The following CA10 variants were observed in gnomAD, a reference collection of about 807,000 sequenced individuals.
CA10 encodes the protein carbonic anhydrase 10 (inactive), also known as carbonic anhydrase-related protein 10.
CA10 carries 14 observed loss-of-function variants against 44.2 expected under a neutral mutation model. That is an observed-to-expected ratio of 0.32 (90% CI 0.21 to 0.50). The LOEUF is 0.50. Ranked by LOEUF, CA10 falls within the 20% of genes least tolerant of loss-of-function variation. The pLI is 0.99. For missense variants in CA10, 350 were observed against 409.7 expected, an observed-to-expected ratio of 0.85 and a Z score of 1.26; for synonymous variants, 159 against 141.6, an observed-to-expected ratio of 1.12 and a Z score of -0.87.
intron 4 of CA10, among the ~76,000 whole-genome samples, chr17:51,743,340 T>C (rs1904538370): frequency 6.6e-6 from 1 of 152,214 alleles, no homozygotes; most frequent in Non-Finnish European, 1.5e-5. Context: ...AATATCCTAC[T>C]TTATACTGGA....
intron 1 of CA10, among the ~76,000 whole-genome samples, chr17:52,109,022 T>C (rs1219566725): frequency 6.6e-6 from 1 of 152,116 alleles, no homozygotes; most frequent in Non-Finnish European, 1.5e-5. Flanking sequence ...CCTCAATAAA[T>C]GGAGACATCC....
chr17:51,676,471 C>A lies in CA10; in HGVS notation c.466-22735G>T, dbSNP rs182519859. 1.5e-3 allele frequency among the ~76,000 whole-genome samples: 221 copies of A among 152,298 alleles called. 1 individual carries two copies. Among genetic ancestry groups the A allele is most frequent in the Admixed American group, 6.1e-3 (93 of 15,310 alleles). ...CATATTAGACATGCAGAATCTGGGG[C>A]CCCACCCAGACCTACTGCACCAGCA... On this transcript the variant is annotated intron_variant, in intron 4 of 8. Transcript: ENST00000451037.
chr17:52,081,518 C>T (rs1052723892), intron 1 of CA10, among the ~76,000 whole-genome samples: 3 of 152,054 alleles, frequency 2.0e-5, no homozygotes, highest in African/African-American at 4.8e-5. Context: ...TTAGATGAAG[C>T]GGCCGGGCGC....
intron 2 of CA10, among the ~76,000 whole-genome samples, chr17:52,046,949 T>G (rs1310527172): frequency 6.6e-6 from 1 of 151,962 alleles, no homozygotes; most frequent in Non-Finnish European, 1.5e-5. Flanking sequence ...GCCATTTCCA[T>G]AGATGCAGCA....
At chr17:51,926,147 C>G (rs956545880) in intron 3 of CA10, among the ~76,000 whole-genome samples, 2 of 152,046 alleles carry the variant, frequency 1.3e-5, no homozygotes, top group African/African-American at 2.4e-5. Flanking sequence ...GAAGAACTAT[C>G]GGTAGTTAAG....
intron 4 of CA10, among the ~76,000 whole-genome samples, chr17:51,717,788 T>TATAC (rs560956067): frequency 5.8e-4 from 41 of 70,914 alleles, no homozygotes; most frequent in African/African-American, 2.2e-3. Context: ...TGCATGTATA[T>TATAC]ATGTATATGT....
At chr17:51,838,747 A>T (rs1473078196) in intron 3 of CA10, among the ~76,000 whole-genome samples, 2 of 152,256 alleles carry the variant, frequency 1.3e-5, no homozygotes. Flanking sequence ...AACACAAAGA[A>T]GATCGTTGGA....
intron 4 of CA10, among the ~76,000 whole-genome samples, chr17:51,726,676 A>AT (rs1208520569): frequency 6.6e-6 from 1 of 152,130 alleles, no homozygotes; most frequent in African/African-American, 2.4e-5. Context: ...ATGGATATCT[A>AT]TTTTTTCCCC....
chr17:52,088,192 A>G (rs1170512212), intron 1 of CA10, among the ~76,000 whole-genome samples: 1 of 152,210 alleles, frequency 6.6e-6, no homozygotes, highest in Non-Finnish European at 1.5e-5. Flanking sequence ...AAGTTTACCT[A>G]TGTAACAAAC....
At chr17:51,669,522 C>T (rs1039356919) in intron 4 of CA10, among the ~76,000 whole-genome samples, 2 of 152,108 alleles carry the variant, frequency 1.3e-5, no homozygotes, top group Non-Finnish European at 2.9e-5. Flanking sequence ...TTTCGCTCTT[C>T]GTACTAAATC....
At chr17:51,726,445 C>A (rs999058783) in intron 4 of CA10, among the ~76,000 whole-genome samples, 6 of 151,996 alleles carry the variant, frequency 3.9e-5, no homozygotes, top group Non-Finnish European at 8.8e-5. Context: ...TTTAAGTATT[C>A]TCACCACAAG....
chr17:52,032,313 A>G (rs765508865), intron 2 of CA10, among the ~76,000 whole-genome samples: 8 of 152,144 alleles, frequency 5.3e-5, no homozygotes, highest in Admixed American at 1.3e-4. Context: ...TTCATTCTGC[A>G]AGGAATCTTC....
At chr17:51,768,798 T>A (rs1178070018) in intron 3 of CA10, among the ~76,000 whole-genome samples, 2 of 152,236 alleles carry the variant, frequency 1.3e-5, no homozygotes, top group African/African-American at 2.4e-5. Flanking sequence ...ATAGTGGGTA[T>A]GTGATCTCTG....
chr17:51,917,324 C>T (rs1982043085), intron 3 of CA10, among the ~76,000 whole-genome samples: 1 of 152,208 alleles, frequency 6.6e-6, no homozygotes, highest in East Asian at 1.9e-4. Flanking sequence ...CCTGGGAATA[C>T]CAGGGAAGAG....
chr17:51,770,498 CCT>C (rs1250438355), intron 3 of CA10, among the ~76,000 whole-genome samples: 1 of 151,976 alleles, frequency 6.6e-6, no homozygotes, highest in Non-Finnish European at 1.5e-5. Flanking sequence ...TCAACTGTTT[CCT>C]CTGTTTCCTA....
intron 4 of CA10, among the ~76,000 whole-genome samples, chr17:51,675,923 G>A (rs568070959): frequency 2.6e-4 from 36 of 136,934 alleles, no homozygotes; most frequent in African/African-American, 7.1e-4. Flanking sequence ...CACTCCCATC[G>A]GAACACTCTG....
At chr17:51,747,560 C>A in intron 4 of CA10, 73 bp downstream of exon 4, 1 of 1,216,484 alleles carries the variant, frequency 8.2e-7, no homozygotes, top group Non-Finnish European at 1.2e-6. Context: ...TATGTTATCC[C>A]ATCTTGGACA....
chr17:52,040,005 G>T (rs1294650186), intron 2 of CA10, among the ~76,000 whole-genome samples: 1 of 152,052 alleles, frequency 6.6e-6, no homozygotes, highest in Non-Finnish European at 1.5e-5. Flanking sequence ...AGTTAGAACA[G>T]GTCTTCTCAG....
chr17:51,904,887 C>T (rs1237938204), intron 3 of CA10, among the ~76,000 whole-genome samples: 3 of 152,134 alleles, frequency 2.0e-5, no homozygotes, highest in Admixed American at 2.0e-4. Context: ...TGCTCTGCCA[C>T]TTTTTAGTTC....
Sources: gnomAD v4.1 joint callset for allele counts (sites outside exome capture counted in the v4.1 genomes callset) on GRCh38, gnomAD v4.1.1 for gene constraint, MANE v1.5 for transcripts, NCBI Gene and HGNC (gene_info 2026-07-23, HGNC 2026-07-21) for gene names.